SREK1IP1: variants seen among roughly 807,000 people sequenced by gnomAD.
The protein encoded by SREK1IP1 is protein SREK1IP1.
In SREK1IP1, 12 loss-of-function variants were observed where a neutral mutation model predicts 22.8. The observed-to-expected ratio is 0.53, with a 90% confidence interval of 0.34 to 0.85. The LOEUF (loss-of-function observed/expected upper bound fraction) is 0.85, where lower values mean the gene tolerates loss of function less well. SREK1IP1 is among the 40% of genes least tolerant of loss of function. The pLI, the probability that SREK1IP1 is intolerant of heterozygous loss-of-function variation, is 0.02. For missense variants in SREK1IP1, 147 were observed against 171.8 expected, an observed-to-expected ratio of 0.86 and a Z score of 0.81; for synonymous variants, 53 against 52.7, an observed-to-expected ratio of 1.01 and a Z score of -0.02.
At chr5:64,750,855 T>C (rs888300968) in intron 2 of SREK1IP1, among the ~76,000 whole-genome samples, 1 of 152,238 alleles carries the variant, frequency 6.6e-6, no homozygotes, top group African/African-American at 2.4e-5. Flanking sequence ...ATTTGTAATA[T>C]GTCCTCTAAT....
chr5:64,741,011 G>C (rs1742542158), intron 3 of SREK1IP1, 46 bp downstream of exon 3: 9 of 1,541,192 alleles, frequency 5.8e-6, no homozygotes, highest in Admixed American at 1.7e-5. Context: ...TAATATGACA[G>C]AACATTTACA....
rs1367747526 is a variant in SREK1IP1, at chr5:64,723,475, C to CA, written c.*908dup. The CA allele has an allele frequency of 2.0e-5, 3 of 152,458 alleles. No homozygotes were observed. Among genetic ancestry groups the CA allele is most frequent in the Non-Finnish European group, 4.4e-5 (3 of 67,992 alleles). The allele number at this position is 152,458 out of a possible 1,614,324, so 9.4% of individuals were successfully genotyped here. A position where few individuals can be genotyped will look rare whatever the true frequency, so the allele number is the denominator to read the frequency against. On this transcript the variant is annotated 3_prime_UTR_variant, in exon 5 of 5. Transcript: ENST00000513458. ...AAATTTTCCACAGTACTCATAGAAA[C>CA]AAGCTTCATAAAATTTATACTGAAT...
intron 2 of SREK1IP1, among the ~76,000 whole-genome samples, chr5:64,748,975 C>T (rs763580485): frequency 4.0e-5 from 6 of 151,416 alleles, no homozygotes; most frequent in East Asian, 1.9e-4. Flanking sequence ...ATTTAATACA[C>T]GGTACCAGGT....
chr5:64,754,620 C>T (rs528913151), intron 1 of SREK1IP1: 69 of 353,720 alleles, frequency 2.0e-4, no homozygotes, highest in South Asian at 1.1e-3. Context: ...TGTGCCACCA[C>T]ACCTGGCTAA....
In SREK1IP1 at chr5:64,723,862, GAAAA is replaced by G. The variant is rs1180011593; in HGVS notation, c.*518_*521del. The G allele has an allele frequency of 6.6e-6, 1 of 151,450 alleles. No individual in the cohort carries two copies. Among genetic ancestry groups the G allele is most frequent in the Non-Finnish European group, 1.5e-5 (1 of 67,664 alleles). The allele number at this position is 151,450 out of a possible 1,614,324, so 9.4% of individuals were successfully genotyped here. A position where few individuals can be genotyped will look rare whatever the true frequency, so the allele number is the denominator to read the frequency against. Reference sequence around the variant, plus strand: ...AAGCAGCTGCATCTTCTACAACATTGAAAAAAAATCCCTAGAGATTTAAAAAACT... The same window carrying G: ...AAGCAGCTGCATCTTCTACAACATTGAAAATCCCTAGAGATTTAAAAAACT... On this transcript the variant is annotated 3_prime_UTR_variant, in exon 5 of 5. Transcript: ENST00000513458.
intron 4 of SREK1IP1, chr5:64,727,545 A>ATT (rs1337958256): frequency 8.2e-6 from 1 of 122,514 alleles, no homozygotes; most frequent in African/African-American, 4.9e-5. Flanking sequence ...ATATATATAT[A>ATT]TATATATATT....
chr5:64,751,235 C>T (rs889802792), intron 2 of SREK1IP1, among the ~76,000 whole-genome samples: 1 of 152,172 alleles, frequency 6.6e-6, no homozygotes, highest in African/African-American at 2.4e-5. Context: ...TTTCTTCTGC[C>T]ATATTTTCCC....
At position 64,724,197 on chromosome 5, in the gene SREK1IP1, T is replaced by C. The variant is rs1742223157; in HGVS notation, c.*187A>G. The stretch of plus-strand genomic sequence containing the variant: ...TGGCTATCAAGTAACAAGACTGATT[T>C]AATACTTTACAGTTACAGCACATTA... On this transcript the variant is annotated 3_prime_UTR_variant, in exon 5 of 5. Transcript: ENST00000513458. 2.6e-5 allele frequency: 13 copies of C among 493,270 alleles called. No individual in the cohort carries two copies. In the Middle Eastern group the frequency reaches 5.0e-3, roughly 191 times the overall value. 30.6% of individuals were successfully genotyped at this position (493,270 alleles called of 1,614,324 possible).
intron 2 of SREK1IP1, among the ~76,000 whole-genome samples, chr5:64,748,981 C>T (rs948343603): frequency 5.3e-5 from 8 of 151,402 alleles, no homozygotes; most frequent in South Asian, 2.1e-4. Context: ...TACACGGTAC[C>T]AGGTTATGAC....
chr5:64,752,435 G>T (rs1389212127), intron 2 of SREK1IP1, among the ~76,000 whole-genome samples: 2 of 152,112 alleles, frequency 1.3e-5, no homozygotes, highest in Admixed American at 1.3e-4. Context: ...ACAGGCGTGA[G>T]CCACCATGCC....
At chr5:64,763,834 T>G (rs1742992736) in intron 1 of SREK1IP1, among the ~76,000 whole-genome samples, 1 of 152,246 alleles carries the variant, frequency 6.6e-6, no homozygotes, top group Non-Finnish European at 1.5e-5. Flanking sequence ...ACACTTGCAC[T>G]GTACTTTTAC....
Position 64,756,042 on chromosome 5 carries a change from C to T in SREK1IP1, c.14-1680G>A, listed in dbSNP as rs73097700. ...AAAACAAACTAGTCATATATTCACCCAGTTCTGATAAATATTTACAAATAC... is the reference window on the plus strand; with the variant it reads ...AAAACAAACTAGTCATATATTCACCTAGTTCTGATAAATATTTACAAATAC... On this transcript the variant is annotated intron_variant, in intron 1 of 4. Coordinates refer to ENST00000513458, the MANE Select transcript of SREK1IP1 (RefSeq NM_173829.4). Among the ~76,000 whole-genome samples, 1,443 of 152,136 alleles carry T rather than the reference C, an allele frequency of 9.5e-3. 22 individuals carry two copies. The highest frequency in any genetic ancestry group is 0.033 in the African/African-American group (1,375 of 41,520).
intron 1 of SREK1IP1, among the ~76,000 whole-genome samples, chr5:64,761,878 G>GA (rs11332410): frequency 2.6e-5 from 4 of 151,584 alleles, no homozygotes; most frequent in African/African-American, 9.7e-5. Context: ...TAGCACAAAA[G>GA]AAAAAAAATT....
intron 3 of SREK1IP1, among the ~76,000 whole-genome samples, chr5:64,730,209 A>T (rs901037329): frequency 6.6e-6 from 1 of 152,200 alleles, no homozygotes; most frequent in African/African-American, 2.4e-5. Flanking sequence ...CTACCTATCA[A>T]ATAGTACCTA....
At chr5:64,758,821 T>G (rs1561392132) in intron 1 of SREK1IP1, among the ~76,000 whole-genome samples, 1 of 152,228 alleles carries the variant, frequency 6.6e-6, no homozygotes, top group Non-Finnish European at 1.5e-5. Context: ...ATCATCATCT[T>G]TACTAAAGTT....
intron 1 of SREK1IP1, among the ~76,000 whole-genome samples, chr5:64,757,212 C>T (rs934413924): frequency 6.6e-6 from 1 of 152,168 alleles, no homozygotes; most frequent in African/African-American, 2.4e-5. Context: ...GCCTGGGCAA[C>T]ATAGTGAGAC....
At chr5:64,753,321 C>T (rs994576185) in intron 2 of SREK1IP1, among the ~76,000 whole-genome samples, 2 of 152,084 alleles carry the variant, frequency 1.3e-5, no homozygotes, top group Non-Finnish European at 2.9e-5. Context: ...GTTAGCAATG[C>T]TTGAAAGAAA....
rs1343557329 is a variant in SREK1IP1 at position 64,724,354 on chromosome 5, T to A, written c.*30A>T. The stretch of plus-strand genomic sequence containing the variant: ...CAAACACGTTTTAAAAACAAATTTT[T>A]AAATTTAACGGCTTAAGCCAAAGTC... On this transcript the variant is annotated 3_prime_UTR_variant, in exon 5 of 5. Transcript: ENST00000513458. The A allele has an allele frequency of 7.4e-6, 11 of 1,489,872 alleles. No individual in the cohort carries two copies. Among genetic ancestry groups the A allele is most frequent in the Non-Finnish European group, 9.8e-6 (11 of 1,122,342 alleles). 92.3% of individuals were successfully genotyped at this position (1,489,872 alleles called of 1,614,324 possible).
At chr5:64,736,363 G>C (rs1203698236) in intron 3 of SREK1IP1, among the ~76,000 whole-genome samples, 1 of 152,110 alleles carries the variant, frequency 6.6e-6, no homozygotes, top group Non-Finnish European at 1.5e-5. Flanking sequence ...TGTTGAGATC[G>C]CTGGCTATAA....
Sources: allele counts gnomAD v4.1 joint callset (sites outside exome capture counted in the v4.1 genomes callset), GRCh38; gene constraint gnomAD v4.1.1; transcripts MANE v1.5; gene names NCBI Gene and HGNC (gene_info 2026-07-23, HGNC 2026-07-21).